Variants in SEMA3D observed in about 807,000 individuals in gnomAD.
SEMA3D encodes semaphorin-3D.
A neutral mutation model predicts 100.1 loss-of-function variants in SEMA3D; 84 were observed. That is an observed-to-expected ratio of 0.84 (90% CI 0.70 to 1.01). The LOEUF (loss-of-function observed/expected upper bound fraction) is 1.01, where lower values mean the gene tolerates loss of function less well. Among genes scored for constraint, SEMA3D ranks in the 50% least tolerant of loss-of-function variants. SEMA3D has a pLI of 0.00. For missense variants in SEMA3D, 875 were observed against 934.1 expected (o/e 0.94, Z 0.82); for synonymous variants, 312 against 320.7 (o/e 0.97, Z 0.29).
intron 3 of SEMA3D, among the ~76,000 whole-genome samples, chr7:85,116,290 C>T (rs1789240349): frequency 7.0e-6 from 1 of 143,294 alleles, no homozygotes; most frequent in African/African-American, 2.6e-5. Context: ...TATACATATA[C>T]AATTTATATA....
At chr7:85,197,797 A>T in the SEMA3D span, among the ~76,000 whole-genome samples, 1 of 152,220 alleles carries the variant, frequency 6.6e-6, no homozygotes, top group Non-Finnish European at 1.5e-5. Flanking sequence ...ATATATTTCC[A>T]ACAAAGAAAT....
chr7:85,235,905 A>C, the SEMA3D span, among the ~76,000 whole-genome samples: 4 of 152,198 alleles, frequency 2.6e-5, no homozygotes, highest in Non-Finnish European at 5.9e-5. Context: ...TTACAGAAAC[A>C]TCCTAATTTC....
At chr7:85,020,117 GCTAATTTCAAA>G in intron 14 of SEMA3D, 105 bp downstream of exon 14, 1 of 662,958 alleles carries the variant, frequency 1.5e-6, no homozygotes, top group South Asian at 1.9e-5. Context: ...AACTAAGAAA[GCTAATTTCAAA>G]GGCTTCTTCA....
At chr7:85,018,567 C>A (rs1339678825) in intron 14 of SEMA3D, among the ~76,000 whole-genome samples, 1 of 151,718 alleles carries the variant, frequency 6.6e-6, no homozygotes, top group Non-Finnish European at 1.5e-5. Flanking sequence ...TTCCCAGTTA[C>A]TCACAAGTGT....
intron 3 of SEMA3D, among the ~76,000 whole-genome samples, chr7:85,117,109 G>A (rs1013123940): frequency 1.8e-4 from 27 of 152,068 alleles, no homozygotes; most frequent in Admixed American, 5.2e-4. Flanking sequence ...CTGAAGCTAC[G>A]TATAAAAAGG....
intron 2 of SEMA3D, chr7:85,141,183 T>G (rs1300078230): frequency 1.0e-6 from 1 of 983,840 alleles, no homozygotes; most frequent in Non-Finnish European, 1.2e-6. Context: ...TGCAGCACTA[T>G]CATTTTTAAT....
intron 17 of SEMA3D, among the ~76,000 whole-genome samples, chr7:85,009,412 T>G (rs2115765250): frequency 6.6e-6 from 1 of 151,866 alleles, no homozygotes; most frequent in South Asian, 2.1e-4. Context: ...TTGCCCATTA[T>G]TCAAGACTTG....
At chr7:85,178,293 T>C (rs965604674) in intron 1 of SEMA3D, among the ~76,000 whole-genome samples, 1 of 152,160 alleles carries the variant, frequency 6.6e-6, no homozygotes, top group African/African-American at 2.4e-5. Context: ...ACTTTGGAAC[T>C]GGGTAACAGG....
intron 4 of SEMA3D, among the ~76,000 whole-genome samples, chr7:85,086,968 T>C (rs1337937483): frequency 1.3e-5 from 2 of 151,674 alleles, no homozygotes; most frequent in African/African-American, 4.9e-5. Context: ...TCAGGATCAA[T>C]AGTTAATATG....
chr7:85,034,547 C>T (rs1455770857), intron 12 of SEMA3D, among the ~76,000 whole-genome samples: 1 of 152,056 alleles, frequency 6.6e-6, no homozygotes, highest in Non-Finnish European at 1.5e-5. Flanking sequence ...GCAGAGGTTG[C>T]AGTGAGCCAA....
Position 84,995,799 on chromosome 7 carries a change from A to C in SEMA3D, c.*3641T>G, listed in dbSNP as rs973280749. ...CTCAAACCCTTTCCATAAATACTTT[A>C]TACTATAAAATATTTAAATGAGAGG... On this transcript the variant is annotated 3_prime_UTR_variant, in exon 19 of 19. Transcript: ENST00000284136. The C allele has an allele frequency of 5.9e-5, 9 of 151,980 alleles. No individual in the cohort carries two copies. Among genetic ancestry groups the C allele is most frequent in the African/African-American group, 2.2e-4 (9 of 41,424 alleles). The allele number at this position is 151,980 out of a possible 1,614,324, so 9.4% of individuals were successfully genotyped here.
intron 15 of SEMA3D, among the ~76,000 whole-genome samples, chr7:85,017,129 A>G (rs1790126801): frequency 6.6e-6 from 1 of 151,506 alleles, no homozygotes; most frequent in Non-Finnish European, 1.5e-5. Context: ...TTTTGCAAAG[A>G]TTCTCCCCTT....
At chr7:85,106,420 A>G (rs2116347486) in intron 3 of SEMA3D, among the ~76,000 whole-genome samples, 1 of 152,216 alleles carries the variant, frequency 6.6e-6, no homozygotes, top group Middle Eastern at 3.4e-3. Context: ...ACAATATGAC[A>G]AGACAAATAA....
intron 3 of SEMA3D, among the ~76,000 whole-genome samples, chr7:85,119,883 T>G (rs766869251): frequency 1.3e-5 from 2 of 152,108 alleles, no homozygotes; most frequent in Non-Finnish European, 2.9e-5. Flanking sequence ...CCTCCAATAT[T>G]TCAGCTCAAT....
intron 18 of SEMA3D, among the ~76,000 whole-genome samples, chr7:85,003,575 G>A (rs1325765521): frequency 2.6e-5 from 4 of 151,390 alleles, no homozygotes; most frequent in Non-Finnish European, 4.4e-5. Flanking sequence ...GTCAGAAATT[G>A]TCAGAAACAA....
At chr7:85,217,689 T>A in the SEMA3D span, among the ~76,000 whole-genome samples, 1 of 152,214 alleles carries the variant, frequency 6.6e-6, no homozygotes, top group East Asian at 1.9e-4. Context: ...CACCCATTTG[T>A]TTATGAAAGG....
chr7:85,143,996 G>A (rs1308254645), intron 2 of SEMA3D, among the ~76,000 whole-genome samples: 2 of 151,854 alleles, frequency 1.3e-5, no homozygotes, highest in African/African-American at 4.8e-5. Context: ...CAGGCATGAG[G>A]CACCGAGCCT....
At chr7:85,212,565 A>G in the SEMA3D span, among the ~76,000 whole-genome samples, 25 of 151,266 alleles carry the variant, frequency 1.7e-4, 1 homozygote, top group Non-Finnish European at 3.5e-4. Flanking sequence ...CTGTAAATGC[A>G]TGTGCATGCA....
At chr7:85,247,186 G>T in the SEMA3D span, among the ~76,000 whole-genome samples, 1 of 151,926 alleles carries the variant, frequency 6.6e-6, no homozygotes, top group Non-Finnish European at 1.5e-5. Context: ...ATAACACAGA[G>T]AATAATCACT....
Sources: gnomAD v4.1 joint callset for allele counts (sites outside exome capture counted in the v4.1 genomes callset) on GRCh38, gnomAD v4.1.1 for gene constraint, MANE v1.5 for transcripts, NCBI Gene and HGNC (gene_info 2026-07-23, HGNC 2026-07-21) for gene names.